The following BNIP1 variants were observed in gnomAD, a reference collection of about 807,000 sequenced individuals.
BNIP1 encodes BCL2 interacting protein 1.
A neutral mutation model predicts 28.5 loss-of-function variants in BNIP1; 25 were observed. That is an observed-to-expected ratio of 0.88 (90% confidence interval 0.64 to 1.23). BNIP1 has a LOEUF of 1.23. Among genes scored for constraint, BNIP1 ranks in the 50% most tolerant of loss-of-function variants. The pLI is 0.00. For missense variants in BNIP1, 276 were observed against 277.0 expected (o/e 1.00, Z 0.02); for synonymous variants, 118 against 101.7 (o/e 1.16, Z -0.96).
At chr5:173,148,998 G>T (rs746057495) in intron 2 of BNIP1, among the ~76,000 whole-genome samples, 1 of 152,050 alleles carries the variant, frequency 6.6e-6, no homozygotes, top group Non-Finnish European at 1.5e-5. Flanking sequence ...CTAATGTTGG[G>T]TTGGCAGAGA....
intron 3 of BNIP1, among the ~76,000 whole-genome samples, chr5:173,156,360 G>A (rs551321303): frequency 1.2e-4 from 19 of 152,234 alleles, no homozygotes; most frequent in Admixed American, 9.8e-4. Context: ...TTTATACTTT[G>A]GGGCTATGTG....
intron 3 of BNIP1, 70 bp from the exon 4 acceptor site, chr5:173,158,674 G>A: frequency 8.0e-7 from 1 of 1,255,718 alleles, no homozygotes. Flanking sequence ...TTGGGGGGAA[G>A]TGCTGTGAAT....
Position 173,158,804 on chromosome 5 carries a change from G to A in BNIP1, c.330G>A (p.Glu110=). ...LTCKIAIDNL[E]KAELLQGGDL... ...GCAAAATTGCAATCGACAATCTAGA[G>A]AAAGCAGAACTTCTTCAGGGAGGAG... is the stretch of plus-strand genomic sequence containing the variant. Residue 110 remains glutamate, a synonymous_variant, in exon 4 of 6, where the codon GAG becomes GAA. Coordinates refer to ENST00000351486, the MANE Select transcript of BNIP1 (RefSeq NM_001205.3). 1 of 1,614,148 alleles carries A rather than the reference G, an allele frequency of 6.2e-7. No homozygotes were observed. The highest frequency in any genetic ancestry group is 1.1e-5 in the South Asian group (1 of 91,066).
chr5:173,148,123 TA>T (rs1759915709), intron 2 of BNIP1, among the ~76,000 whole-genome samples: 1 of 97,726 alleles, frequency 1.0e-5, no homozygotes, highest in South Asian at 3.5e-4. Context: ...TATATATATA[TA>T]TATATATATA....
At chr5:173,146,255 A>C (rs1759832292) in intron 1 of BNIP1, among the ~76,000 whole-genome samples, 1 of 152,250 alleles carries the variant, frequency 6.6e-6, no homozygotes, top group African/African-American at 2.4e-5. Context: ...TTTCCAGGTA[A>C]CTTTACACAG....
chr5:173,157,353 G>A (rs759613119), intron 3 of BNIP1, among the ~76,000 whole-genome samples: 1 of 152,110 alleles, frequency 6.6e-6, no homozygotes, highest in Non-Finnish European at 1.5e-5. Context: ...GAGTTCTGAA[G>A]TATGAGTTTG....
Position 173,151,538 on chromosome 5 carries a change from T to G in BNIP1, c.178-2784T>G. 1.9e-6 allele frequency: 3 copies of G among 1,584,418 alleles called. No homozygotes were observed. The South Asian group carries it at 3.4e-5, about 18-fold the overall frequency. On this transcript the variant is annotated intron_variant, in intron 2 of 5. Transcript: ENST00000351486. ...ACCTGGTCTCTCATTCTTTTCTAAATAACTGTCATTTTTTTTTTTTTTTTT... is the reference window on the plus strand; with the variant it reads ...ACCTGGTCTCTCATTCTTTTCTAAAGAACTGTCATTTTTTTTTTTTTTTTT...
intron 5 of BNIP1, 70 bp from the exon 6 acceptor site, chr5:173,163,654 GC>G: frequency 7.1e-7 from 1 of 1,408,328 alleles, no homozygotes; most frequent in Admixed American, 2.2e-5. Flanking sequence ...CAGCACCCCA[GC>G]CAGCAGAGTG....
chr5:173,146,891 T>C lies in BNIP1; in HGVS notation c.110T>C (p.Leu37Ser). The change falls in exon 2 of 6, where the codon TTA becomes TCA. Residue 37 changes from leucine to serine, a missense_variant. Coordinates refer to ENST00000351486, the MANE Select transcript of BNIP1 (RefSeq NM_001205.3). ...IQDIRDCSGPLSALTELNTKV... is the reference protein window; with the variant it reads ...IQDIRDCSGPSSALTELNTKV... Reference sequence around the variant, plus strand: ...GATATCCGTGATTGTTCAGGACCCTTAAGTGCTCTTACTGAACTGAATACT... The same window carrying C: ...GATATCCGTGATTGTTCAGGACCCTCAAGTGCTCTTACTGAACTGAATACT... 1 of 1,613,974 alleles carries C rather than the reference T, an allele frequency of 6.2e-7. No individual in the cohort carries two copies. The highest frequency in any genetic ancestry group is 8.5e-7 in the Non-Finnish European group (1 of 1,179,874).
At chr5:173,156,099 G>A (rs1486910352) in intron 3 of BNIP1, among the ~76,000 whole-genome samples, 2 of 152,192 alleles carry the variant, frequency 1.3e-5, no homozygotes, top group African/African-American at 4.8e-5. Context: ...GGAGGCCAGT[G>A]TAAGCAGGGA....
intron 2 of BNIP1, among the ~76,000 whole-genome samples, chr5:173,153,320 C>T (rs1299151669): frequency 1.3e-5 from 2 of 151,826 alleles, no homozygotes; most frequent in Non-Finnish European, 2.9e-5. Context: ...CTCTGCCTCC[C>T]GGGTTCACGC....
intron 5 of BNIP1, chr5:173,161,682 A>G (rs1190621170): frequency 1.3e-5 from 2 of 152,208 alleles, no homozygotes; most frequent in East Asian, 3.9e-4. Flanking sequence ...TTTAAAACAA[A>G]AAGCTTATTA....
At chr5:173,151,434 C>A in intron 2 of BNIP1, 1 of 933,120 alleles carries the variant, frequency 1.1e-6, no homozygotes, top group Non-Finnish European at 1.6e-6. Flanking sequence ...GTTGCTCAGG[C>A]TGGACTTGAA....
At chr5:173,153,210 G>A (rs746761293) in intron 2 of BNIP1, among the ~76,000 whole-genome samples, 6 of 151,848 alleles carry the variant, frequency 4.0e-5, no homozygotes, top group Non-Finnish European at 5.9e-5. Flanking sequence ...CAGGTCTCCT[G>A]AGATGATCAC....
chr5:173,159,774 C>T (rs550381956), intron 4 of BNIP1, among the ~76,000 whole-genome samples, 159 bp from the exon 5 acceptor site: 1 of 152,144 alleles, frequency 6.6e-6, no homozygotes, highest in African/African-American at 2.4e-5. Context: ...TCCACAGGGG[C>T]GTGGGTCTCA....
chr5:173,152,809 A>G (rs911564169), intron 2 of BNIP1, among the ~76,000 whole-genome samples: 2 of 152,192 alleles, frequency 1.3e-5, no homozygotes, highest in African/African-American at 4.8e-5. Flanking sequence ...TCTCTGTGCT[A>G]TTGAAATGGT....
intron 3 of BNIP1, among the ~76,000 whole-genome samples, chr5:173,156,566 C>T (rs934219652): frequency 2.0e-5 from 3 of 151,122 alleles, no homozygotes; most frequent in Admixed American, 6.6e-5. Flanking sequence ...GCAGTGGGCT[C>T]GGGAGGTCAA....
At chr5:173,154,471 C>T in intron 3 of BNIP1, 58 bp downstream of exon 3, 1 of 1,400,100 alleles carries the variant, frequency 7.1e-7, no homozygotes, top group Non-Finnish European at 9.9e-7. Context: ...TGCCTGTGAG[C>T]CTTGCACGTG....
At chr5:173,145,549 C>T (rs886948726) in intron 1 of BNIP1, among the ~76,000 whole-genome samples, 7 of 152,156 alleles carry the variant, frequency 4.6e-5, no homozygotes, top group Non-Finnish European at 8.8e-5. Flanking sequence ...CTACAGGCAC[C>T]CGCCACCACG....
Sources: allele counts gnomAD v4.1 joint callset (sites outside exome capture counted in the v4.1 genomes callset), GRCh38; gene constraint gnomAD v4.1.1; transcripts MANE v1.5; gene names NCBI Gene and HGNC (gene_info 2026-07-23, HGNC 2026-07-21).